The following TTC39C variants were observed in gnomAD, a reference collection of about 807,000 sequenced individuals.
TTC39C encodes the protein tetratricopeptide repeat domain 39C, also known as tetratricopeptide repeat protein 39C.
A neutral mutation model predicts 76.3 loss-of-function variants in TTC39C; 33 were observed. That is an observed-to-expected ratio of 0.43 (90% CI 0.33 to 0.58). The LOEUF (loss-of-function observed/expected upper bound fraction) is 0.58, where lower values mean the gene tolerates loss of function less well. Ranked by LOEUF, TTC39C falls within the 20% of genes least tolerant of loss-of-function variation. The probability of loss-of-function intolerance (pLI) is 0.04; values close to 1 mark genes in which losing one functional copy is unlikely to be tolerated. For missense variants in TTC39C, 595 were observed against 701.4 expected (o/e 0.85, Z 1.71); for synonymous variants, 254 against 260.6 (o/e 0.97, Z 0.24).
In TTC39C at chr18:24,093,225, A is replaced by G. The variant is rs565314958; in HGVS notation, c.984+10144A>G. Among the ~76,000 whole-genome samples, 32 of 152,362 alleles carry G rather than the reference A, an allele frequency of 2.1e-4. No homozygotes were observed. The East Asian group carries it at 6.0e-3, about 28-fold the overall frequency. The stretch of plus-strand genomic sequence containing the variant: ...CCGGGTGCAGTGGCTCACGCCTATA[A>G]TCCCAGCACTTTGGGAGGCCGAGGC... On this transcript the variant is annotated intron_variant, in intron 6 of 13. Coordinates refer to ENST00000317571, the MANE Select transcript of TTC39C (RefSeq NM_001135993.2).
intron 11 of TTC39C, 62 bp downstream of exon 11, chr18:24,129,045 G>A (rs2085088166): frequency 7.6e-7 from 1 of 1,308,394 alleles, no homozygotes; most frequent in African/African-American, 1.5e-5. Flanking sequence ...GTATATGCTT[G>A]TGAATAAGAA....
In TTC39C at chr18:24,130,431, T is replaced by TATATA. The variant is rs761614036; in HGVS notation, c.1623+25_1623+29dup. The TATATA allele has an allele frequency of 9.7e-7, 1 of 1,030,146 alleles. No individual in the cohort carries two copies. The highest frequency in any genetic ancestry group is 1.3e-6 in the Non-Finnish European group (1 of 774,638). 63.8% of individuals were successfully genotyped at this position (1,030,146 alleles called of 1,614,324 possible). On this transcript the variant is annotated intron_variant, in intron 12 of 13. Transcript: ENST00000317571. The stretch of plus-strand genomic sequence containing the variant: ...GACAAACCAGAGGTAAGATCTTATA[T>TATATA]ATATAATATAATATATATTTTTAAT...
At chr18:24,122,500 CAAAAAA>C (rs36002596) in intron 8 of TTC39C, among the ~76,000 whole-genome samples, 3 of 51,044 alleles carry the variant, frequency 5.9e-5, no homozygotes, top group African/African-American at 2.0e-4. Context: ...GACTCCATCT[CAAAAAA>C]AAAAAAAAAA....
Position 23,998,180 on chromosome 18 carries a change from G to C in TTC39C, c.-17+5142G>C, listed in dbSNP as rs551847600. Reference sequence around the variant, plus strand: ...TTGTAGATGAGGGAGCTGAGGTTCAGAGAGTCCTGGTCATTTGCCCAATAT... The same window carrying C: ...TTGTAGATGAGGGAGCTGAGGTTCACAGAGTCCTGGTCATTTGCCCAATAT... On this transcript the variant is annotated intron_variant, in intron 1 of 13. Transcript: ENST00000304621. 2.0e-5 allele frequency among the ~76,000 whole-genome samples: 3 copies of C among 152,346 alleles called. No individual in the cohort carries two copies. The South Asian group carries it at 6.2e-4, about 32-fold the overall frequency.
At chr18:24,026,136 A>G (rs1289935891) in intron 1 of TTC39C, among the ~76,000 whole-genome samples, 2 of 152,120 alleles carry the variant, frequency 1.3e-5, no homozygotes, top group African/African-American at 2.4e-5. Flanking sequence ...TCCCTTCTTC[A>G]TACTCCACGT....
chr18:24,104,010 C>T (rs1475133928), intron 6 of TTC39C, among the ~76,000 whole-genome samples: 1 of 151,356 alleles, frequency 6.6e-6, no homozygotes, highest in East Asian at 1.9e-4. Flanking sequence ...CGGCTCATTG[C>T]AACCTCCACC....
intron 1 of TTC39C, among the ~76,000 whole-genome samples, chr18:23,996,937 G>A (rs780124040): frequency 2.2e-4 from 33 of 151,698 alleles, no homozygotes; most frequent in African/African-American, 4.8e-4. Flanking sequence ...GTGAAACCCC[G>A]TCTCTACTAA....
In TTC39C at chr18:24,117,018, G is replaced by A. The variant is rs1289257458; in HGVS notation, c.1079-1107G>A. On this transcript the variant is annotated intron_variant, in intron 7 of 13. Coordinates refer to ENST00000317571, the MANE Select transcript of TTC39C (RefSeq NM_001135993.2). ...TTTTTTATAGAGATGGGGTTTCACC[G>A]TGTTGCCTAAGCTGGTCTGGATCTC... is the stretch of plus-strand genomic sequence containing the variant. Among the ~76,000 whole-genome samples, 10 of 151,704 alleles carry A rather than the reference G, an allele frequency of 6.6e-5. No homozygotes were observed. In the East Asian group the frequency reaches 1.4e-3, roughly 21 times the overall value.
chr18:24,039,942 A>T (rs2083772006), intron 1 of TTC39C, among the ~76,000 whole-genome samples: 1 of 152,170 alleles, frequency 6.6e-6, no homozygotes, highest in South Asian at 2.1e-4. Context: ...ATACAGGAAG[A>T]GGAACAAATT....
chr18:24,006,070 T>C (rs889039624), intron 1 of TTC39C, among the ~76,000 whole-genome samples: 3 of 151,520 alleles, frequency 2.0e-5, no homozygotes, highest in Admixed American at 6.6e-5. Context: ...TGGAGTACAG[T>C]GGCACGATCA....
At chr18:24,002,066 A>G (rs112547902) in intron 1 of TTC39C, among the ~76,000 whole-genome samples, 8 of 152,302 alleles carry the variant, frequency 5.3e-5, no homozygotes, top group Admixed American at 1.3e-4. Context: ...TGAGGCAGAC[A>G]TAAGTTGTTT....
intron 1 of TTC39C, among the ~76,000 whole-genome samples, chr18:24,062,154 G>A (rs566589483): frequency 1.3e-5 from 2 of 152,292 alleles, no homozygotes; most frequent in South Asian, 2.1e-4. Context: ...GCCAGGTTAG[G>A]TACCATGAAT....
At chr18:24,073,476 T>G in intron 4 of TTC39C, among the ~76,000 whole-genome samples, 1 of 152,224 alleles carries the variant, frequency 6.6e-6, no homozygotes, top group South Asian at 2.1e-4. Flanking sequence ...CTTAATCAAG[T>G]GCAACCCAGG....
chr18:24,028,216 T>C (rs2083621686), intron 1 of TTC39C, among the ~76,000 whole-genome samples: 1 of 152,130 alleles, frequency 6.6e-6, no homozygotes, highest in African/African-American at 2.4e-5. Context: ...TACTTAGAAG[T>C]GTAGCCAAAG....
At chr18:24,012,177 G>C (rs751745504), upstream of TTC39C, among the ~76,000 whole-genome samples, 12 of 151,976 alleles carry the variant, frequency 7.9e-5, no homozygotes, top group African/African-American at 2.9e-4. Flanking sequence ...GGCTCTTTTT[G>C]TATCCCTCAC....
At position 24,132,754 on chromosome 18, in the gene TTC39C, G is replaced by C. The variant is rs2085148373; in HGVS notation, c.*180G>C. The C allele has an allele frequency of 2.0e-6, 1 of 498,898 alleles. No individual in the cohort carries two copies. The highest frequency in any genetic ancestry group is 3.5e-6 in the Non-Finnish European group (1 of 285,798). 30.9% of individuals were successfully genotyped at this position (498,898 alleles called of 1,614,324 possible). ...CCTCTTTTAAACATGTAGCTGAAAAGTAATAATGATGTTGAGGAGGATGAT... is the reference window on the plus strand; with the variant it reads ...CCTCTTTTAAACATGTAGCTGAAAACTAATAATGATGTTGAGGAGGATGAT... On this transcript the variant is annotated 3_prime_UTR_variant, in exon 14 of 14. Transcript: ENST00000317571.
chr18:24,013,789 G>A (rs767143284), upstream of TTC39C, among the ~76,000 whole-genome samples: 16 of 152,158 alleles, frequency 1.1e-4, no homozygotes, highest in Non-Finnish European at 2.2e-4. Flanking sequence ...TAGAATATTA[G>A]GCATCCAGAT....
intron 1 of TTC39C, among the ~76,000 whole-genome samples, chr18:24,024,069 A>C (rs1296400253): frequency 7.4e-6 from 1 of 135,926 alleles, no homozygotes; most frequent in Non-Finnish European, 1.6e-5. Flanking sequence ...GCTGGAGTGC[A>C]ATGGCCGATC....
chr18:24,132,028 A>G (rs2085136654), intron 13 of TTC39C, 108 bp downstream of exon 13: 1 of 1,088,630 alleles, frequency 9.2e-7, no homozygotes, highest in African/African-American at 1.6e-5. Flanking sequence ...GGTTGGTAAT[A>G]TTTCTGGAAA....
Sources: gnomAD v4.1 joint callset for allele counts (sites outside exome capture counted in the v4.1 genomes callset) on GRCh38, gnomAD v4.1.1 for gene constraint, MANE v1.5 for transcripts, NCBI Gene and HGNC (gene_info 2026-07-23, HGNC 2026-07-21) for gene names.